Variants in FRMD4A observed in about 807,000 individuals in gnomAD.
The protein encoded by FRMD4A is FERM domain-containing protein 4A.
A neutral mutation model predicts 129.1 loss-of-function variants in FRMD4A; 29 were observed. That is an observed-to-expected ratio of 0.22 (90% CI 0.17 to 0.31). FRMD4A has a LOEUF of 0.31. FRMD4A is among the 10% of genes least tolerant of loss of function. The pLI is 1.00. For missense variants in FRMD4A, 1,272 were observed against 1,375.8 expected, an observed-to-expected ratio of 0.92 and a Z score of 1.19; for synonymous variants, 634 against 571.6, an observed-to-expected ratio of 1.11 and a Z score of -1.56.
chr10:14,039,407 C>CATCCATCCATCTATCTATCT (rs1285305420), intron 2 of FRMD4A, among the ~76,000 whole-genome samples: 20 of 147,806 alleles, frequency 1.4e-4, no homozygotes, highest in African/African-American at 4.9e-4. Flanking sequence ...TCCATCCATC[C>CATCCATCCATCTATCTATCT]ATCTATCTAT....
chr10:14,275,397 C>A (rs543505895), intron 2 of FRMD4A, among the ~76,000 whole-genome samples: 1 of 152,202 alleles, frequency 6.6e-6, no homozygotes, highest in African/African-American at 2.4e-5. Flanking sequence ...GTGAGTGTAT[C>A]GCAACCTTAT....
chr10:13,695,150 T>A lies in FRMD4A; in HGVS notation c.976-1111A>T, dbSNP rs1206019680. 5.0e-5 allele frequency among the ~76,000 whole-genome samples: 5 copies of A among 99,398 alleles called. No homozygotes were observed. The South Asian group carries it at 1.1e-3, about 22-fold the overall frequency. 65.2% of individuals were successfully genotyped at this position (99,398 alleles called of 152,430 possible). On this transcript the variant is annotated intron_variant, in intron 14 of 24. Transcript: ENST00000357447. ...AAGCAGCGGTTTTTCAAAAAAAAAT[T>A]TTTTTTTTTTTTGAGACAGAGTCTC... is the stretch of plus-strand genomic sequence containing the variant.
chr10:13,915,624 A>G (rs2094993075), intron 2 of FRMD4A, among the ~76,000 whole-genome samples: 1 of 151,196 alleles, frequency 6.6e-6, no homozygotes, highest in African/African-American at 2.4e-5. Flanking sequence ...GTGAGCCGAG[A>G]TCACGCCACT....
chr10:13,995,490 C>T lies in FRMD4A; in HGVS notation c.46-136578G>A, dbSNP rs576619713. On this transcript the variant is annotated intron_variant, in intron 2 of 24. Transcript: ENST00000357447. ...ATCCCAGCTGCTTGGGAGGCTGAGG[C>T]ACAAGAATCACTAGAACGTGGGAGG... 5.3e-5 allele frequency among the ~76,000 whole-genome samples: 8 copies of T among 152,314 alleles called. No individual in the cohort carries two copies. The East Asian group carries it at 1.5e-3, about 29-fold the overall frequency.
intron 8 of FRMD4A, among the ~76,000 whole-genome samples, 158 bp from the exon 9 acceptor site, chr10:13,747,977 A>G (rs562338337): frequency 6.6e-6 from 1 of 152,292 alleles, no homozygotes. Flanking sequence ...TTATTTCCGA[A>G]ATACAGATGT....
At chr10:14,024,925 T>C (rs1396879131) in intron 2 of FRMD4A, among the ~76,000 whole-genome samples, 2 of 152,268 alleles carry the variant, frequency 1.3e-5, no homozygotes, top group African/African-American at 4.8e-5. Context: ...TGGAGTGTAT[T>C]GTCGAACGGG....
chr10:13,784,518 A>G (rs917255067), intron 5 of FRMD4A, among the ~76,000 whole-genome samples: 5 of 152,212 alleles, frequency 3.3e-5, no homozygotes, highest in African/African-American at 1.2e-4. Context: ...AATCAATACA[A>G]TCACCTGAGG....
intron 2 of FRMD4A, among the ~76,000 whole-genome samples, chr10:14,322,197 T>C (rs532579215): frequency 6.6e-6 from 1 of 152,104 alleles, no homozygotes; most frequent in Admixed American, 6.5e-5. Flanking sequence ...GCAGGGGACG[T>C]GAGTACATAG....
At chr10:14,086,725 T>C (rs773387536) in intron 2 of FRMD4A, among the ~76,000 whole-genome samples, 3 of 152,002 alleles carry the variant, frequency 2.0e-5, no homozygotes, top group South Asian at 4.2e-4. Context: ...AATGTATGGG[T>C]TTTTTTTGTT....
At chr10:14,285,697 AT>A (rs891057558) in intron 2 of FRMD4A, among the ~76,000 whole-genome samples, 1 of 152,238 alleles carries the variant, frequency 6.6e-6, no homozygotes, top group African/African-American at 2.4e-5. Context: ...TTAAGTACTT[AT>A]TGTAGGGCTG....
intron 2 of FRMD4A, among the ~76,000 whole-genome samples, chr10:14,245,903 C>T (rs1047713174): frequency 1.3e-5 from 2 of 152,244 alleles, no homozygotes; most frequent in Non-Finnish European, 2.9e-5. Flanking sequence ...GCCAGACCAA[C>T]TCTGAAAACC....
chr10:14,106,823 C>T lies in FRMD4A; in HGVS notation c.45+223235G>A, dbSNP rs9664565. ...GGAGATTTCTGAAGGAACTTAAAAT[C>T]GAGCTACCGTTTGACCCAGCAATCC... On this transcript the variant is annotated intron_variant, in intron 2 of 24. Coordinates refer to ENST00000357447, the MANE Select transcript of FRMD4A (RefSeq NM_018027.5). Among the ~76,000 whole-genome samples, 366 of 151,912 alleles carry T rather than the reference C, an allele frequency of 2.4e-3. 1 individual carries two copies. Among genetic ancestry groups the T allele is most frequent in the African/African-American group, 7.8e-3 (322 of 41,390 alleles).
At chr10:13,708,989 C>T (rs1338037448) in intron 12 of FRMD4A, among the ~76,000 whole-genome samples, 1 of 152,004 alleles carries the variant, frequency 6.6e-6, no homozygotes, top group African/African-American at 2.4e-5. Flanking sequence ...CTGAGACAGA[C>T]TCTCACTGTG....
At chr10:13,783,349 T>C (rs985919212) in intron 5 of FRMD4A, among the ~76,000 whole-genome samples, 6 of 152,202 alleles carry the variant, frequency 3.9e-5, no homozygotes, top group Admixed American at 1.3e-4. Flanking sequence ...ACATTGCTTG[T>C]TTGTCCTAAA....
chr10:13,748,054 C>T (rs1211095843), intron 8 of FRMD4A, among the ~76,000 whole-genome samples: 3 of 152,182 alleles, frequency 2.0e-5, no homozygotes, highest in Non-Finnish European at 2.9e-5. Flanking sequence ...GGCAAAACAC[C>T]TTCAGATGGC....
intron 2 of FRMD4A, among the ~76,000 whole-genome samples, chr10:14,267,541 C>T (rs1845020296): frequency 6.6e-6 from 1 of 152,136 alleles, no homozygotes; most frequent in Non-Finnish European, 1.5e-5. Flanking sequence ...AGTAGCCTTT[C>T]TGGTTGGAAT....
chr10:14,056,556 C>T (rs12249279), intron 2 of FRMD4A, among the ~76,000 whole-genome samples: 1 of 151,778 alleles, frequency 6.6e-6, no homozygotes, highest in African/African-American at 2.4e-5. Context: ...TTCCCCCCTC[C>T]ACCCTCTGTA....
chr10:14,067,846 C>T (rs1221598027), intron 2 of FRMD4A, among the ~76,000 whole-genome samples: 1 of 151,904 alleles, frequency 6.6e-6, no homozygotes, highest in Non-Finnish European at 1.5e-5. Context: ...AACAAAAAAC[C>T]AAAAACACTG....
chr10:14,004,573 A>G (rs1018427974), intron 2 of FRMD4A, among the ~76,000 whole-genome samples: 6 of 152,170 alleles, frequency 3.9e-5, no homozygotes, highest in Non-Finnish European at 5.9e-5. Context: ...AAAAAGATAC[A>G]AGCCAAATGT....
Sources: gnomAD v4.1 joint callset for allele counts (sites outside exome capture counted in the v4.1 genomes callset) on GRCh38, gnomAD v4.1.1 for gene constraint, MANE v1.5 for transcripts, NCBI Gene and HGNC (gene_info 2026-07-23, HGNC 2026-07-21) for gene names.